The following RERE variants were observed in gnomAD, a reference collection of about 807,000 sequenced individuals.
RERE encodes arginine-glutamic acid dipeptide repeats protein.
In RERE, 40 loss-of-function variants were observed where a neutral mutation model predicts 146.1. That is an observed-to-expected ratio of 0.27 (90% CI 0.21 to 0.36). The LOEUF (loss-of-function observed/expected upper bound fraction) is 0.36, where lower values mean the gene tolerates loss of function less well. Ranked by LOEUF, RERE falls within the 10% of genes least tolerant of loss-of-function variation. RERE has a pLI of 1.00. For synonymous variants in RERE, 1,003 were observed against 866.0 expected, an observed-to-expected ratio of 1.16 and a Z score of -2.78; for missense variants, 1,933 against 2,138.7, an observed-to-expected ratio of 0.90 and a Z score of 1.90.
intron 7 of RERE, among the ~76,000 whole-genome samples, chr1:8,537,214 A>G (rs903476802): frequency 7.2e-5 from 11 of 152,166 alleles, no homozygotes; most frequent in African/African-American, 2.7e-4. Flanking sequence ...AAAACAAACA[A>G]AAAAATAAGT....
At chr1:8,803,705 G>A (rs753100312) in intron 1 of RERE, among the ~76,000 whole-genome samples, 3 of 151,498 alleles carry the variant, frequency 2.0e-5, no homozygotes, top group Non-Finnish European at 4.4e-5. Flanking sequence ...TGAGACTACA[G>A]GTGCACACCA....
intron 4 of RERE, among the ~76,000 whole-genome samples, chr1:8,601,736 A>AACACACACACACACACAC (rs3082091): frequency 2.1e-5 from 3 of 140,812 alleles, no homozygotes; most frequent in African/African-American, 8.0e-5. Flanking sequence ...GTCCAAGGTC[A>AACACACACACACACACAC]ACACACACAC....
intron 7 of RERE, among the ~76,000 whole-genome samples, chr1:8,515,133 C>T (rs1441452317): frequency 1.3e-5 from 2 of 152,054 alleles, no homozygotes; most frequent in Non-Finnish European, 2.9e-5. Flanking sequence ...CACTCTGGGA[C>T]GCTGAGGCAA....
At chr1:8,420,249 G>A (rs1248258369) in intron 12 of RERE, among the ~76,000 whole-genome samples, 1 of 152,162 alleles carries the variant, frequency 6.6e-6, no homozygotes, top group Non-Finnish European at 1.5e-5. Flanking sequence ...GAGCCCAGGA[G>A]TTTGAGACCA....
At chr1:8,460,863 T>TA (rs1263380605) in intron 11 of RERE, among the ~76,000 whole-genome samples, 5 of 152,294 alleles carry the variant, frequency 3.3e-5, no homozygotes, top group African/African-American at 1.2e-4. Context: ...CACCCAATCT[T>TA]ACAATCTTGC....
At chr1:8,793,237 G>A (rs1020092530) in intron 1 of RERE, among the ~76,000 whole-genome samples, 19 of 151,494 alleles carry the variant, frequency 1.3e-4, no homozygotes, top group African/African-American at 4.1e-4. Context: ...GAATGATTCT[G>A]GAGAAATTCA....
intron 11 of RERE, among the ~76,000 whole-genome samples, chr1:8,451,630 T>TA (rs1644391789): frequency 6.6e-6 from 1 of 152,126 alleles, no homozygotes; most frequent in Non-Finnish European, 1.5e-5. Context: ...TCCAGCGTGC[T>TA]AATAGTGTGA....
At position 8,615,785 on chromosome 1, in the gene RERE, G is replaced by GAC. The variant is rs147492891; in HGVS notation, c.397-1101_397-1100dup. ...AAGTCTCTTAAGCTCCCTACACATAGACACACACACACACACACAAAACAA... is the reference window on the plus strand; with the variant it reads ...AAGTCTCTTAAGCTCCCTACACATAGACACACACACACACACACACAAAACAA... On this transcript the variant is annotated intron_variant, in intron 3 of 22. Transcript: ENST00000400908. Among the ~76,000 whole-genome samples the GAC allele has an allele frequency of 7.5e-3, 1,131 of 150,506 alleles. 13 individuals are homozygous for GAC. Among genetic ancestry groups the GAC allele is most frequent in the African/African-American group, 0.023 (949 of 41,080 alleles).
In RERE at chr1:8,656,268, G is replaced by A. The variant is rs752807857; in HGVS notation, c.30C>T (p.Asp10=). Residue 10 remains aspartate (D), a synonymous_variant, in exon 2 of 23, where the codon GAC becomes GAT. Transcript: ENST00000400908. The part of the protein sequence containing the change: MTADKDKDK[D]KEKDRDRDRD... ...GGTCTCGGTCCCGGTCCTTCTCTTT[G>A]TCTTTGTCTTTGTCTTTGTCCGCTG... is the stretch of plus-strand genomic sequence containing the variant. 1.9e-6 allele frequency: 3 copies of A among 1,554,112 alleles called. No homozygotes were observed. The highest frequency in any genetic ancestry group is 2.6e-6 in the Non-Finnish European group (3 of 1,138,114).
intron 12 of RERE, among the ~76,000 whole-genome samples, chr1:8,406,061 T>C (rs963998956): frequency 3.3e-5 from 5 of 152,054 alleles, no homozygotes; most frequent in African/African-American, 1.2e-4. Context: ...GATTTTTAAC[T>C]GCAGCAGTAG....
rs916469436 is a variant in RERE at position 8,508,665 on chromosome 1, T to C, written c.841A>G (p.Ser281Gly). ...GYNPETRRLN[S>G]TQGEIRVGPS... ...CCGACACGAATCTCCCCCTGGGTAC[T>C]GTTCAGCCTCCTGGAACAGAAATAG... Residue 281 changes from serine to glycine, a missense_variant, in exon 8 of 23, where the codon AGT becomes GGT. Coordinates refer to ENST00000400908, the MANE Select transcript of RERE (RefSeq NM_001042681.2). 1.9e-6 allele frequency: 3 copies of C among 1,612,952 alleles called. No individual in the cohort carries two copies. Among genetic ancestry groups the C allele is most frequent in the African/African-American group, 2.7e-5 (2 of 74,910 alleles).
chr1:8,815,224 C>A (rs1341920520), intron 1 of RERE, among the ~76,000 whole-genome samples: 1 of 152,156 alleles, frequency 6.6e-6, no homozygotes, highest in Non-Finnish European at 1.5e-5. Flanking sequence ...TTCTTATAAC[C>A]CTTATTTACA....
intron 1 of RERE, among the ~76,000 whole-genome samples, chr1:8,793,947 T>G (rs573105231): frequency 6.6e-6 from 1 of 151,878 alleles, no homozygotes; most frequent in Non-Finnish European, 1.5e-5. Context: ...ATGCCTGTAG[T>G]CCCACCTACT....
In RERE at chr1:8,358,823, T is replaced by C. The variant is rs1557583632; in HGVS notation, c.3712A>G (p.Thr1238Ala). 1 of 1,610,230 alleles carries C rather than the reference T, an allele frequency of 6.2e-7. No homozygotes were observed. Among genetic ancestry groups the C allele is most frequent in the Non-Finnish European group, 8.5e-7 (1 of 1,178,056 alleles). Residue 1238 changes from threonine to alanine, a missense_variant, in exon 20 of 23, where the codon ACC becomes GCC. Transcript: ENST00000400908. ...MRPSFEPPPT[T>A]IAAVPPYIGP... The stretch of plus-strand genomic sequence containing the variant: ...ATGTAGGGGGGCACAGCAGCAATGG[T>C]GGTTGGTGGTGGCTCGAAGGATGGC...
intron 8 of RERE, among the ~76,000 whole-genome samples, chr1:8,506,174 T>C (rs1187176859): frequency 6.6e-6 from 1 of 152,132 alleles, no homozygotes; most frequent in Non-Finnish European, 1.5e-5. Context: ...AAGTAGAGAA[T>C]GGGAGACGAA....
In RERE at chr1:8,750,127, G is replaced by A. The variant is rs936597689; in HGVS notation, c.-145+67033C>T. Among the ~76,000 whole-genome samples, 6 of 133,742 alleles carry A rather than the reference G, an allele frequency of 4.5e-5. No homozygotes were observed. The Admixed American group carries it at 5.3e-4, about 12-fold the overall frequency. 87.7% of individuals were successfully genotyped at this position (133,742 alleles called of 152,430 possible). A position where few individuals can be genotyped will look rare whatever the true frequency, so the allele number is the denominator to read the frequency against. On this transcript the variant is annotated intron_variant, in intron 1 of 22. Transcript: ENST00000400908. ...GATTATGCCACTGTACTCCAGCCTG[G>A]GTGACAGAACAAGCCTCTGTCTCAA... is the stretch of plus-strand genomic sequence containing the variant.
At chr1:8,488,082 TA>T (rs1286611188) in intron 10 of RERE, among the ~76,000 whole-genome samples, 2 of 80,494 alleles carry the variant, frequency 2.5e-5, no homozygotes, top group African/African-American at 9.2e-5. Context: ...AAATTTTTTT[TA>T]ATCAAAAAAA....
At position 8,501,348 on chromosome 1, in the gene RERE, C is replaced by G. The variant is rs1456996740; in HGVS notation, c.880-3819G>C. On this transcript the variant is annotated intron_variant, in intron 8 of 22. Transcript: ENST00000400908. ...GGAGGGAGGTGGGGGGTCAGCACCC[C>G]GCCCGGCCAGCCGCCCAGTCCGGGA... Among the ~76,000 whole-genome samples the G allele has an allele frequency of 4.0e-5, 4 of 98,886 alleles. 1 individual carries two copies. The highest frequency in any genetic ancestry group is 7.8e-5 in the Non-Finnish European group (4 of 51,054). The allele number at this position is 98,886 out of a possible 152,430, so 64.9% of individuals were successfully genotyped here.
chr1:8,556,365 G>C, intron 6 of RERE, 110 bp downstream of exon 6: 1 of 663,556 alleles, frequency 1.5e-6, no homozygotes, highest in South Asian at 2.0e-5. Context: ...GAGGCCAAAA[G>C]AGGAGTCTGA....
Sources: gnomAD v4.1 joint callset for allele counts (sites outside exome capture counted in the v4.1 genomes callset) on GRCh38, gnomAD v4.1.1 for gene constraint, MANE v1.5 for transcripts, NCBI Gene and HGNC (gene_info 2026-07-23, HGNC 2026-07-21) for gene names.